The following ERBB4 variants were observed in gnomAD, a reference collection of about 807,000 sequenced individuals.
ERBB4 encodes the protein receptor tyrosine-protein kinase erbB-4.
A neutral mutation model predicts 158.0 loss-of-function variants in ERBB4; 42 were observed. The observed-to-expected ratio is 0.27, with a 90% CI of 0.21 to 0.34. The LOEUF is 0.34. Ranked by LOEUF, ERBB4 falls within the 10% of genes least tolerant of loss-of-function variation. ERBB4 has a pLI of 1.00. For missense variants in ERBB4, 1,333 were observed against 1,624.1 expected (o/e 0.82, Z 3.08); for synonymous variants, 583 against 558.7 (o/e 1.04, Z -0.61).
intron 1 of ERBB4, among the ~76,000 whole-genome samples, chr2:212,168,779 G>C (rs1456662978): frequency 3.3e-5 from 5 of 152,102 alleles, no homozygotes; most frequent in Non-Finnish European, 7.4e-5. Flanking sequence ...GCACAGAAAT[G>C]ATCAAGTGGA....
At chr2:212,346,264 T>C (rs1218435117) in intron 1 of ERBB4, among the ~76,000 whole-genome samples, 2 of 151,998 alleles carry the variant, frequency 1.3e-5, no homozygotes, top group African/African-American at 2.4e-5. Context: ...TGTATCTATG[T>C]TTTCTAAGTA....
intron 3 of ERBB4, among the ~76,000 whole-genome samples, chr2:211,938,466 G>C (rs2080389826): frequency 6.6e-6 from 1 of 151,994 alleles, no homozygotes; most frequent in South Asian, 2.1e-4. Flanking sequence ...ATTGCCATTA[G>C]CCAAATATGG....
At chr2:212,161,417 G>A (rs1225082158) in intron 1 of ERBB4, among the ~76,000 whole-genome samples, 1 of 151,794 alleles carries the variant, frequency 6.6e-6, no homozygotes. Flanking sequence ...AATGATATCA[G>A]GATAATTCCT....
intron 2 of ERBB4, among the ~76,000 whole-genome samples, chr2:212,009,152 C>T (rs1255198795): frequency 2.0e-5 from 3 of 151,412 alleles, no homozygotes; most frequent in Non-Finnish European, 2.9e-5. Context: ...ATTTGGTGTC[C>T]CCCAACCCCC....
chr2:211,678,340 C>A (rs1295589744), intron 13 of ERBB4, among the ~76,000 whole-genome samples: 1 of 148,308 alleles, frequency 6.7e-6, no homozygotes, highest in Non-Finnish European at 1.5e-5. Flanking sequence ...AACAAGAAAA[C>A]TTGCACTCCA....
At chr2:212,134,723 G>A (rs1224779062) in intron 1 of ERBB4, among the ~76,000 whole-genome samples, 3 of 116,880 alleles carry the variant, frequency 2.6e-5, no homozygotes, top group Admixed American at 1.2e-4. Context: ...TGGCTCTGTC[G>A]CCCAGACTGG....
At chr2:211,578,581 G>A (rs1350649587) in intron 19 of ERBB4, among the ~76,000 whole-genome samples, 1 of 152,122 alleles carries the variant, frequency 6.6e-6, no homozygotes, top group East Asian at 1.9e-4. Context: ...AACCAAAACA[G>A]TATAGTACTG....
intron 2 of ERBB4, among the ~76,000 whole-genome samples, chr2:211,969,073 C>G (rs796145558): frequency 1.2e-4 from 18 of 151,972 alleles, no homozygotes; most frequent in African/African-American, 4.1e-4. Flanking sequence ...ATTCTTGAAT[C>G]AAAACAGAGA....
At chr2:212,003,214 A>AAAC (rs1559294197) in intron 2 of ERBB4, among the ~76,000 whole-genome samples, 10 of 44,304 alleles carry the variant, frequency 2.3e-4, no homozygotes, top group African/African-American at 5.5e-4. Flanking sequence ...AGACAGAAAG[A>AAAC]AGGAAGGAAG....
intron 3 of ERBB4, among the ~76,000 whole-genome samples, chr2:211,788,607 CTT>C (rs2076219551): frequency 6.6e-6 from 1 of 152,114 alleles, no homozygotes; most frequent in South Asian, 2.1e-4. Flanking sequence ...CCAATCCTCT[CTT>C]GTTGGTAATT....
chr2:212,019,377 A>G (rs1280130523), intron 2 of ERBB4, among the ~76,000 whole-genome samples: 1 of 152,216 alleles, frequency 6.6e-6, no homozygotes, highest in African/African-American at 2.4e-5. Flanking sequence ...TTAAAAAAGC[A>G]TTTAAGGTTA....
At chr2:211,555,516 G>A (rs901205490) in intron 20 of ERBB4, among the ~76,000 whole-genome samples, 4 of 152,110 alleles carry the variant, frequency 2.6e-5, no homozygotes, top group Non-Finnish European at 2.9e-5. Context: ...ATAAAATGTC[G>A]TAGAATGATG....
chr2:211,455,693 T>A (rs1312077078), intron 20 of ERBB4, among the ~76,000 whole-genome samples: 1 of 152,202 alleles, frequency 6.6e-6, no homozygotes, highest in Non-Finnish European at 1.5e-5. Flanking sequence ...TGTTTTTCAC[T>A]ATTTGAAGGA....
intron 20 of ERBB4, among the ~76,000 whole-genome samples, chr2:211,536,416 A>C (rs986789683): frequency 3.9e-5 from 6 of 152,030 alleles, no homozygotes; most frequent in African/African-American, 1.4e-4. Context: ...CAAACTGTGG[A>C]CATTACTCCG....
intron 1 of ERBB4, among the ~76,000 whole-genome samples, chr2:212,496,350 A>G (rs59989514): frequency 0.045 from 6,791 of 152,044 alleles, 516 homozygotes; most frequent in African/African-American, 0.15. Flanking sequence ...GTGCATGCAT[A>G]CACACACATA....
chr2:212,173,690 G>C (rs772905961), intron 1 of ERBB4, among the ~76,000 whole-genome samples: 4 of 151,964 alleles, frequency 2.6e-5, no homozygotes, highest in Non-Finnish European at 5.9e-5. Context: ...GCAGAGTGTT[G>C]ATCTTATTGT....
At chr2:211,803,227 T>C (rs2076539876) in intron 3 of ERBB4, among the ~76,000 whole-genome samples, 1 of 152,138 alleles carries the variant, frequency 6.6e-6, no homozygotes, top group South Asian at 2.1e-4. Context: ...CAAAGAAAAG[T>C]CCATCCAAGC....
At chr2:211,473,621 G>A (rs1261030156) in intron 20 of ERBB4, among the ~76,000 whole-genome samples, 1 of 151,912 alleles carries the variant, frequency 6.6e-6, no homozygotes, top group Admixed American at 6.6e-5. Context: ...ATAGCCATTT[G>A]TCAAGTTAAC....
At chr2:212,128,827 A>C (rs1310065827) in intron 1 of ERBB4, among the ~76,000 whole-genome samples, 1 of 152,168 alleles carries the variant, frequency 6.6e-6, no homozygotes, top group Non-Finnish European at 1.5e-5. Flanking sequence ...GATATTCAAC[A>C]TAAGGAGAAG....
Sources: allele counts gnomAD v4.1 joint callset (sites outside exome capture counted in the v4.1 genomes callset), GRCh38; gene constraint gnomAD v4.1.1; transcripts MANE v1.5; gene names NCBI Gene and HGNC (gene_info 2026-07-23, HGNC 2026-07-21).